ELAVL2: variants seen among roughly 807,000 people sequenced by gnomAD.
ELAVL2 encodes the protein ELAV-like protein 2.
In ELAVL2, 4 loss-of-function variants were observed where a neutral mutation model predicts 34.6. The observed-to-expected ratio is 0.12, with a 90% CI of 0.06 to 0.26. ELAVL2 has a LOEUF of 0.26. Among genes scored for constraint, ELAVL2 ranks in the 10% least tolerant of loss-of-function variants. The pLI is 1.00. For missense variants in ELAVL2, 432 were observed against 442.8 expected, an observed-to-expected ratio of 0.98 and a Z score of 0.22; for synonymous variants, 193 against 154.8, an observed-to-expected ratio of 1.25 and a Z score of -1.83.
At position 23,749,015 on chromosome 9, in the gene ELAVL2, G is replaced by A. The variant is rs149772638; in HGVS notation, c.229+12991C>T. Among the ~76,000 whole-genome samples the A allele has an allele frequency of 4.7e-3, 714 of 152,176 alleles. 3 individuals are homozygous for A. Among genetic ancestry groups the A allele is most frequent in the African/African-American group, 0.016 (669 of 41,552 alleles). On this transcript the variant is annotated intron_variant, in intron 2 of 6. Transcript: ENST00000397312. ...GAGGAGTTACTGTTTGATGGTTACA[G>A]AGTTTCTATCTGGGATGATGACAAG... is the stretch of plus-strand genomic sequence containing the variant.
intron 1 of ELAVL2, among the ~76,000 whole-genome samples, chr9:23,782,066 C>T (rs2059140612): frequency 6.6e-6 from 1 of 152,098 alleles, no homozygotes; most frequent in Non-Finnish European, 1.5e-5. Context: ...AAGGATCCTC[C>T]CACCTCAGCC....
chr9:23,783,319 C>T (rs1451167956), intron 1 of ELAVL2, among the ~76,000 whole-genome samples: 1 of 152,184 alleles, frequency 6.6e-6, no homozygotes, highest in African/African-American at 2.4e-5. Flanking sequence ...GACTGGAAGA[C>T]AGCAAGATCT....
upstream of ELAVL2, chr9:23,826,346 G>A (rs2065296442): frequency 6.6e-6 from 1 of 152,428 alleles, no homozygotes; most frequent in South Asian, 2.1e-4. Flanking sequence ...TCCTATCCCG[G>A]GCAGCACGCG....
intron 1 of ELAVL2, among the ~76,000 whole-genome samples, chr9:23,794,361 G>A (rs537905450): frequency 2.4e-3 from 372 of 152,296 alleles, no homozygotes; most frequent in Non-Finnish European, 3.9e-3. Flanking sequence ...GAGGGGAAAA[G>A]AACCACCCAC....
At chr9:23,747,224 G>A (rs1041312643) in intron 2 of ELAVL2, among the ~76,000 whole-genome samples, 1 of 151,984 alleles carries the variant, frequency 6.6e-6, no homozygotes, top group Non-Finnish European at 1.5e-5. Context: ...ACATGTACCA[G>A]CCATGGATAA....
In ELAVL2 at chr9:23,764,103, ACAG is replaced by A. The variant is rs373665574; in HGVS notation, c.-15-1857_-15-1855del. 5.8e-4 allele frequency among the ~76,000 whole-genome samples: 89 copies of A among 152,254 alleles called. 4 individuals are homozygous for A. The South Asian group carries it at 0.018, about 31-fold the overall frequency. On this transcript the variant is annotated intron_variant, in intron 1 of 6. Coordinates refer to ENST00000397312, the MANE Select transcript of ELAVL2 (RefSeq NM_004432.5). ...ATATTAGCTGTGGGTCACTCTTTTC[ACAG>A]CAAAAATTCTTCTGGGGTTAACCCT...
intron 6 of ELAVL2, 128 bp from the exon 7 acceptor site, chr9:23,693,012 A>G (rs929671325): frequency 2.4e-6 from 2 of 837,886 alleles, no homozygotes; most frequent in Non-Finnish European, 3.6e-6. Context: ...ACAAATATAT[A>G]AACTATTTCA....
intron 3 of ELAVL2, among the ~76,000 whole-genome samples, chr9:23,728,724 A>C (rs528118408): frequency 1.1e-3 from 169 of 152,252 alleles, no homozygotes; most frequent in African/African-American, 4.0e-3. Context: ...GGCTCAAGAC[A>C]TTGTACAAGA....
At chr9:23,706,529 G>C (rs1035949649) in intron 3 of ELAVL2, among the ~76,000 whole-genome samples, 2 of 152,118 alleles carry the variant, frequency 1.3e-5, no homozygotes, top group African/African-American at 4.8e-5. Context: ...CCAACATTTA[G>C]TCTCATGAGC....
chr9:23,785,668 C>T (rs975810004), intron 1 of ELAVL2, among the ~76,000 whole-genome samples: 12 of 152,164 alleles, frequency 7.9e-5, no homozygotes, highest in Admixed American at 7.2e-4. Context: ...TCAGTCACGA[C>T]ATAGAAATCT....
At chr9:23,731,377 C>A (rs139244617) in intron 2 of ELAVL2, among the ~76,000 whole-genome samples, 4 of 152,130 alleles carry the variant, frequency 2.6e-5, no homozygotes, top group African/African-American at 9.6e-5. Flanking sequence ...ATTCCACCAT[C>A]CATGCCCTGC....
At chr9:23,824,637 C>A (rs2065173114) in intron 1 of ELAVL2, among the ~76,000 whole-genome samples, 1 of 152,204 alleles carries the variant, frequency 6.6e-6, no homozygotes, top group Non-Finnish European at 1.5e-5. Context: ...CCACCACCAC[C>A]CCTTCCGCCC....
chr9:23,781,219 G>A (rs2136805555), intron 1 of ELAVL2, among the ~76,000 whole-genome samples: 1 of 152,268 alleles, frequency 6.6e-6, no homozygotes, highest in East Asian at 1.9e-4. Flanking sequence ...TTGTTCTCAA[G>A]GCACTAACCT....
chr9:23,787,335 C>G (rs968295663), intron 1 of ELAVL2, among the ~76,000 whole-genome samples: 1 of 151,378 alleles, frequency 6.6e-6, no homozygotes, highest in East Asian at 2.0e-4. Flanking sequence ...TCTTAGCTCA[C>G]TGCAAACTGC....
intron 1 of ELAVL2, among the ~76,000 whole-genome samples, chr9:23,798,089 G>A (rs1465935882): frequency 1.3e-5 from 2 of 152,204 alleles, no homozygotes; most frequent in Non-Finnish European, 2.9e-5. Context: ...AATCTGTTCT[G>A]TAAGCAATAG....
chr9:23,768,443 C>CT (rs527710583), intron 1 of ELAVL2, among the ~76,000 whole-genome samples: 4,018 of 140,098 alleles, frequency 0.029, 156 homozygotes, highest in African/African-American at 0.091. Context: ...AACTAGGTAA[C>CT]TTTTTTTTTT....
chr9:23,768,387 T>TA (rs2056714421), intron 1 of ELAVL2, among the ~76,000 whole-genome samples: 2 of 151,110 alleles, frequency 1.3e-5, no homozygotes, highest in African/African-American at 2.4e-5. Flanking sequence ...AACAGTTTCT[T>TA]AAAAATTGGA....
chr9:23,784,998 C>G (rs1028606125), intron 1 of ELAVL2, among the ~76,000 whole-genome samples: 2 of 152,160 alleles, frequency 1.3e-5, no homozygotes, highest in Non-Finnish European at 2.9e-5. Context: ...TGTGAAGTTA[C>G]GTGCATCCTA....
chr9:23,751,583 T>C (rs1331953310), intron 2 of ELAVL2, among the ~76,000 whole-genome samples: 1 of 152,192 alleles, frequency 6.6e-6, no homozygotes, highest in Admixed American at 6.5e-5. Context: ...AACATCATCT[T>C]TGATAAAATG....
Sources: allele counts gnomAD v4.1 joint callset (sites outside exome capture counted in the v4.1 genomes callset), GRCh38; gene constraint gnomAD v4.1.1; transcripts MANE v1.5; gene names NCBI Gene and HGNC (gene_info 2026-07-23, HGNC 2026-07-21).